C16orf87: variants seen among roughly 807,000 people sequenced by gnomAD.
C16orf87 encodes HDAC and MIER1 interacting protein 1, also known as UPF0547 protein C16orf87.
A neutral mutation model predicts 21.0 loss-of-function variants in C16orf87; 13 were observed. That is an observed-to-expected ratio of 0.62 (90% confidence interval 0.40 to 0.98). The LOEUF (loss-of-function observed/expected upper bound fraction) is 0.98. Ranked by LOEUF, C16orf87 falls within the 50% of genes least tolerant of loss-of-function variation. C16orf87 has a pLI of 0.00. For synonymous variants in C16orf87, 49 were observed against 60.2 expected, an observed-to-expected ratio of 0.81 and a Z score of 0.86; for missense variants, 113 against 180.4, an observed-to-expected ratio of 0.63 and a Z score of 2.14.
At position 46,815,766 on chromosome 16, in the gene C16orf87, T is replaced by C. The variant is rs114819688; in HGVS notation, c.164-5981A>G. Among the ~76,000 whole-genome samples the C allele has an allele frequency of 8.1e-3, 1,235 of 152,242 alleles. 23 individuals are homozygous for C. Among genetic ancestry groups the C allele is most frequent in the African/African-American group, 0.028 (1,156 of 41,542 alleles). ...CCAAAAAATAAAGTGTTGGTGAGGA[T>C]GTAGAGAAACCGGAAGGAACATTTG... On this transcript the variant is annotated intron_variant, in intron 2 of 3. Coordinates refer to ENST00000285697, the MANE Select transcript of C16orf87 (RefSeq NM_001001436.4).
Position 46,831,158 on chromosome 16 carries a change from C to A in C16orf87, c.-9G>T. 6.4e-7 allele frequency: 1 copy of A among 1,561,200 alleles called. No individual in the cohort carries two copies. The highest frequency in any genetic ancestry group is 1.2e-5 in the South Asian group (1 of 86,416). Reference sequence around the variant, plus strand: ...GCTCGAGTTGCAGACATGCTCCTCTCCCTTAGCGGCGGCAGCAGCGACGGC... The same window carrying A: ...GCTCGAGTTGCAGACATGCTCCTCTACCTTAGCGGCGGCAGCAGCGACGGC... On this transcript the variant is annotated 5_prime_UTR_variant, in exon 1 of 4. Transcript: ENST00000285697.
At chr16:46,830,361 C>G (rs1443971034) in intron 1 of C16orf87, among the ~76,000 whole-genome samples, 1 of 146,574 alleles carries the variant, frequency 6.8e-6, no homozygotes, top group Non-Finnish European at 1.5e-5. Context: ...GCAGACAGGC[C>G]AAATTTGTAA....
chr16:46,802,687 T>C lies in C16orf87; in HGVS notation c.*265A>G, dbSNP rs942767378. 1 of 246,078 alleles carries C rather than the reference T, an allele frequency of 4.1e-6. No homozygotes were observed. The highest frequency in any genetic ancestry group is 1.4e-4 in the South Asian group (1 of 6,940). 15.2% of individuals were successfully genotyped at this position (246,078 alleles called of 1,614,324 possible). Reference sequence around the variant, plus strand: ...AACATCCATCCAGCATTTTTGTTGGTTTTTTTTTGTTGTTGGCAAATACAC... The same window carrying C: ...AACATCCATCCAGCATTTTTGTTGGCTTTTTTTTGTTGTTGGCAAATACAC... On this transcript the variant is annotated 3_prime_UTR_variant, in exon 4 of 4. Transcript: ENST00000285697.
chr16:46,824,351 TC>T, intron 2 of C16orf87, 34 bp downstream of exon 2: 2 of 942,906 alleles, frequency 2.1e-6, no homozygotes, highest in South Asian at 3.0e-5. Context: ...CATTTCTACA[TC>T]AAAAAGCTAA....
At chr16:46,827,835 G>T in intron 1 of C16orf87, among the ~76,000 whole-genome samples, 1 of 151,458 alleles carries the variant, frequency 6.6e-6, no homozygotes. Flanking sequence ...CACCCACCTC[G>T]GCCTTCCAAA....
In C16orf87 at chr16:46,809,643, T is replaced by C; in HGVS notation, c.306A>G (p.Arg102=). Residue 102 remains arginine, a synonymous_variant, in exon 3 of 4, where the codon AGA becomes AGG. Transcript: ENST00000285697. ...HSDHIRRGRG[R]PKSASAKKHE... ...GTTTTTTGGCAGATGCACTTTTAGG[T>C]CTTCCTCTTCCTCGTCTGATATGAT... The C allele has an allele frequency of 6.2e-7, 1 of 1,612,880 alleles. No individual in the cohort carries two copies. The highest frequency in any genetic ancestry group is 8.5e-7 in the Non-Finnish European group (1 of 1,179,486).
At chr16:46,817,583 G>A (rs938962245) in intron 2 of C16orf87, among the ~76,000 whole-genome samples, 1 of 152,070 alleles carries the variant, frequency 6.6e-6, no homozygotes, top group African/African-American at 2.4e-5. Flanking sequence ...AACTACTAGG[G>A]AGGCTGAGGC....
chr16:46,822,677 T>C (rs1651654), intron 2 of C16orf87, among the ~76,000 whole-genome samples: 122,005 of 152,166 alleles, frequency 0.8, 49,991 homozygotes, highest in East Asian at 1. Context: ...AATCATCTGC[T>C]ACTATCATCA....
At position 46,802,811 on chromosome 16, in the gene C16orf87, G is replaced by A. The variant is rs556235675; in HGVS notation, c.*141C>T. The A allele has an allele frequency of 7.9e-5, 48 of 605,208 alleles. No homozygotes were observed. In the South Asian group the frequency reaches 9.9e-4, roughly 12 times the overall value. The allele number at this position is 605,208 out of a possible 1,614,324, so 37.5% of individuals were successfully genotyped here. A position where few individuals can be genotyped will look rare whatever the true frequency, so the allele number is the denominator to read the frequency against. On this transcript the variant is annotated 3_prime_UTR_variant, in exon 4 of 4. Transcript: ENST00000285697. ...TACACAGCTTTGCTCCCGAAGTGTG[G>A]CACAGGCTAAACGACAGGCGAGAAA... is the stretch of plus-strand genomic sequence containing the variant.
intron 1 of C16orf87, chr16:46,830,790 C>T (rs369441292): frequency 3.5e-6 from 1 of 288,252 alleles, no homozygotes; most frequent in Non-Finnish European, 6.4e-6. Flanking sequence ...GTCTGGGGCT[C>T]CAGACAGCCG....
chr16:46,824,517 A>G (rs370636464), intron 1 of C16orf87, 35 bp from the exon 2 acceptor site: 41 of 896,932 alleles, frequency 4.6e-5, no homozygotes, highest in Non-Finnish European at 6.7e-5. Flanking sequence ...TATTATTACT[A>G]TTTTTCTATT....
chr16:46,830,368 G>A (rs571910173), intron 1 of C16orf87, among the ~76,000 whole-genome samples: 1 of 151,512 alleles, frequency 6.6e-6, no homozygotes, highest in Non-Finnish European at 1.5e-5. Flanking sequence ...GGCCAAATTT[G>A]TAACAGTGGA....
At chr16:46,803,226 T>C (rs749104886) in intron 3 of C16orf87, among the ~76,000 whole-genome samples, 156 bp from the exon 4 acceptor site, 6 of 152,212 alleles carry the variant, frequency 3.9e-5, no homozygotes, top group Non-Finnish European at 7.4e-5. Flanking sequence ...AAAAGTTTTT[T>C]AAATTATACA....
At chr16:46,810,944 A>G (rs962107822) in intron 2 of C16orf87, among the ~76,000 whole-genome samples, 4 of 152,200 alleles carry the variant, frequency 2.6e-5, no homozygotes, top group Non-Finnish European at 5.9e-5. Flanking sequence ...TTAAAAACAA[A>G]AACTACTTGG....
intron 2 of C16orf87, among the ~76,000 whole-genome samples, chr16:46,813,307 T>C (rs188299297): frequency 1.2e-4 from 18 of 152,192 alleles, no homozygotes; most frequent in Non-Finnish European, 2.5e-4. Context: ...ATCACCTGGT[T>C]GTACTAGTCA....
chr16:46,827,599 T>A (rs12149885), intron 1 of C16orf87, among the ~76,000 whole-genome samples: 3,662 of 152,224 alleles, frequency 0.024, 60 homozygotes, highest in Non-Finnish European at 0.035. Flanking sequence ...CTTTTTTTTT[T>A]GAGACGAAGT....
At chr16:46,824,235 C>T (rs956404523) in intron 2 of C16orf87, 151 bp downstream of exon 2, 2 of 554,888 alleles carry the variant, frequency 3.6e-6, no homozygotes, top group Admixed American at 3.7e-5. Flanking sequence ...AAACCAACGT[C>T]GTAAACTAAT....
In C16orf87 at chr16:46,799,758, T is replaced by G. The variant is rs886805026; in HGVS notation, c.*3194A>C. 2 of 152,218 alleles carry G rather than the reference T, an allele frequency of 1.3e-5. No homozygotes were observed. Among genetic ancestry groups the G allele is most frequent in the Non-Finnish European group, 2.9e-5 (2 of 68,052 alleles). The allele number at this position is 152,218 out of a possible 1,614,324, so 9.4% of individuals were successfully genotyped here. On this transcript the variant is annotated 3_prime_UTR_variant, in exon 4 of 4. Coordinates refer to ENST00000285697, the MANE Select transcript of C16orf87 (RefSeq NM_001001436.4). ...GCAGCCTCGAACTCCTGGGCTCAAG[T>G]GATCCTTTAGCCTCAGCTGCCTAGT...
rs1959583796 is a variant in C16orf87 at position 46,825,582 on chromosome 16, C to T, written c.67-1100G>A. On this transcript the variant is annotated intron_variant, in intron 1 of 3. Transcript: ENST00000285697. ...TCCTTTTTGTTACAAACAATCTATA[C>T]TCTTTTAGTTATTTTTAAATGTACA... Among the ~76,000 whole-genome samples, 8 of 152,136 alleles carry T rather than the reference C, an allele frequency of 5.3e-5. No individual in the cohort carries two copies. In the South Asian group the frequency reaches 1.7e-3, roughly 32 times the overall value.
Sources: allele counts gnomAD v4.1 joint callset (sites outside exome capture counted in the v4.1 genomes callset), GRCh38; gene constraint gnomAD v4.1.1; transcripts MANE v1.5; gene names NCBI Gene and HGNC (gene_info 2026-07-23, HGNC 2026-07-21).